The following SART3 variants were observed in gnomAD, a reference collection of about 807,000 sequenced individuals.
SART3 encodes the protein spliceosome associated factor 3, U4/U6 recycling protein.
In SART3, 44 loss-of-function variants were observed where a neutral mutation model predicts 122.3. That is an observed-to-expected ratio of 0.36 (90% CI 0.28 to 0.46). The LOEUF is 0.46. SART3 is among the 20% of genes least tolerant of loss of function. The pLI is 1.00. For missense variants in SART3, 1,101 were observed against 1,229.0 expected, an observed-to-expected ratio of 0.90 and a Z score of 1.56; for synonymous variants, 442 against 454.0, an observed-to-expected ratio of 0.97 and a Z score of 0.34.
In SART3 at chr12:108,543,114, C is replaced by G. The variant is rs765752349; in HGVS notation, c.820G>C (p.Glu274Gln). Residue 274 changes from glutamate (E) to glutamine (Q), a missense_variant, in exon 6 of 19, where the codon GAA becomes CAA. Physicochemically the swap from Glu to Gln is conservative, Grantham distance 29 (BLOSUM62 2). This residue lies in a region of SART3 where 885 missense variants were observed against 1,080.1 expected (regional missense o/e 0.82). Coordinates refer to ENST00000546815, the MANE Select transcript of SART3 (RefSeq NM_014706.4). Reference sequence around the variant, plus strand: ...ATTACTGACTCTGGTATTGGGTCTTCTGACCATTCTTCATACTCTGCAAAT... The same window carrying G: ...ATTACTGACTCTGGTATTGGGTCTTGTGACCATTCTTCATACTCTGCAAAT... ...ATFAEYEEWS[E>Q]DPIPESVIQN... is the part of the protein sequence containing the mutation. 7 of 1,614,208 alleles carry G rather than the reference C, an allele frequency of 4.3e-6. No homozygotes were observed. The Admixed American group carries it at 8.3e-5, about 19-fold the overall frequency.
rs781485980 is a variant in SART3, at chr12:108,538,056, C to T, written c.1201+9G>A. ...TAGCTTAGAAGTTCTCCCACAAAAA[C>T]ATCCGCACCAGAAATTACTTGATGA... On this transcript the variant is annotated intron_variant, in intron 8 of 18. Coordinates refer to ENST00000546815, the MANE Select transcript of SART3 (RefSeq NM_014706.4). 3.1e-6 allele frequency: 5 copies of T among 1,614,032 alleles called. No individual in the cohort carries two copies. In the Admixed American group the frequency reaches 6.7e-5, roughly 22 times the overall value.
intron 12 of SART3, among the ~76,000 whole-genome samples, chr12:108,534,275 T>C (rs1334275373): frequency 6.6e-6 from 1 of 152,168 alleles, no homozygotes; most frequent in Non-Finnish European, 1.5e-5. Context: ...TTTGGGATCC[T>C]CCAATTTTAA....
intron 6 of SART3, among the ~76,000 whole-genome samples, chr12:108,542,043 G>A (rs1336869001): frequency 8.4e-6 from 1 of 118,924 alleles, no homozygotes; most frequent in African/African-American, 3.4e-5. Flanking sequence ...AGACAGGGTT[G>A]TGCTACGCTG....
chr12:108,557,030 T>C (rs2030248319), intron 1 of SART3, among the ~76,000 whole-genome samples: 1 of 152,180 alleles, frequency 6.6e-6, no homozygotes, highest in African/African-American at 2.4e-5. Flanking sequence ...TGTAAACTTC[T>C]GATTTTTAGG....
At chr12:108,530,531 T>C (rs1226645016) in intron 14 of SART3, among the ~76,000 whole-genome samples, 1 of 152,074 alleles carries the variant, frequency 6.6e-6, no homozygotes, top group African/African-American at 2.4e-5. Context: ...TTCCTCACCC[T>C]AATCATTACT....
Position 108,524,385 on chromosome 12 carries a change from T to C in SART3, c.2645A>G (p.Lys882Arg). The C allele has an allele frequency of 6.2e-7, 1 of 1,613,508 alleles. No individual in the cohort carries two copies. The highest frequency in any genetic ancestry group is 8.5e-7 in the Non-Finnish European group (1 of 1,179,344). Residue 882 changes from lysine (K) to arginine (R), a missense_variant, in exon 18 of 19, where the codon AAA becomes AGA. Lys to Arg is a conservative substitution (Grantham distance 26). Transcript: ENST00000546815. ...KVAISNPPQR[K>R]VPEKPETRKA... ...CCTGGTCTCCGGCTTCTCTGGAACT[T>C]TCCTCTGAGGAGGGTTGCTGATTGC...
At chr12:108,539,913 A>G (rs994224068) in intron 6 of SART3, among the ~76,000 whole-genome samples, 5 of 152,232 alleles carry the variant, frequency 3.3e-5, no homozygotes, top group Admixed American at 3.3e-4. Flanking sequence ...AGTCATCAAC[A>G]AACTGGCAAA....
chr12:108,532,025 C>G, intron 13 of SART3, 197 bp downstream of exon 13: 1 of 593,484 alleles, frequency 1.7e-6, no homozygotes, highest in Non-Finnish European at 3.1e-6. Context: ...TCACAGAGTC[C>G]TCCTTGTAGC....
chr12:108,532,405 T>C, intron 12 of SART3, 71 bp from the exon 13 acceptor site: 1 of 1,255,820 alleles, frequency 8.0e-7, no homozygotes, highest in Non-Finnish European at 1.1e-6. Flanking sequence ...AGAGGCCGTC[T>C]TCTCCCAGGT....
rs754060607 is a variant in SART3 at position 108,545,335 on chromosome 12, A to G, written c.545-12T>C. 52 of 1,613,710 alleles carry G rather than the reference A, an allele frequency of 3.2e-5. No homozygotes were observed. The highest frequency in any genetic ancestry group is 4.2e-5 in the Non-Finnish European group (50 of 1,179,666). ...CCAAATGTTAGGACCTAAAAATAAG[A>G]AGTGTTCAATTAGTTTGGGATATAA... On this transcript the variant is annotated splice_polypyrimidine_tract_variant and intron_variant, in intron 3 of 18. Coordinates refer to ENST00000546815, the MANE Select transcript of SART3 (RefSeq NM_014706.4).
In SART3 at chr12:108,537,731, G is replaced by A. The variant is rs1872979953; in HGVS notation, c.1202-136C>T. 3.9e-6 allele frequency: 3 copies of A among 771,354 alleles called. No homozygotes were observed. The South Asian group carries it at 4.5e-5, about 11-fold the overall frequency. The allele number at this position is 771,354 out of a possible 1,614,324, so 47.8% of individuals were successfully genotyped here. A position where few individuals can be genotyped will look rare whatever the true frequency, so the allele number is the denominator to read the frequency against. On this transcript the variant is annotated intron_variant, in intron 8 of 18. Transcript: ENST00000546815. ...GCAACAGAATGAAATGAGCTAGACA[G>A]GAATGTTGAAGACAGAAGTTGCTAC...
chr12:108,531,963 T>G, intron 13 of SART3: 1 of 447,952 alleles, frequency 2.2e-6, no homozygotes, highest in South Asian at 2.0e-5. Flanking sequence ...CTAAACATTG[T>G]ATAACGCACA....
At chr12:108,537,716 G>C in intron 8 of SART3, 121 bp from the exon 9 acceptor site, 1 of 789,844 alleles carries the variant, frequency 1.3e-6, no homozygotes, top group South Asian at 1.5e-5. Flanking sequence ...GCAACAGAAT[G>C]AAATGAGCTA....
chr12:108,536,664 A>G (rs774998515), intron 10 of SART3, 44 bp downstream of exon 10: 3 of 1,610,114 alleles, frequency 1.9e-6, no homozygotes, highest in Non-Finnish European at 2.5e-6. Context: ...TAGTACAGAC[A>G]AGGAAATACA....
rs1026510942 is a variant in SART3, at chr12:108,553,187, A to T, written c.313-3973T>A. Among the ~76,000 whole-genome samples the T allele has an allele frequency of 2.6e-5, 4 of 152,344 alleles. 1 individual carries two copies. The South Asian group carries it at 8.3e-4, about 32-fold the overall frequency. ...GCCTTACAGAAATAACTCAAAATGG[A>T]TCACACTTAAATGTGAAATGTAAAT... On this transcript the variant is annotated intron_variant, in intron 1 of 18. Coordinates refer to ENST00000546815, the MANE Select transcript of SART3 (RefSeq NM_014706.4).
chr12:108,544,801 G>C, intron 4 of SART3: 1 of 570,906 alleles, frequency 1.8e-6, no homozygotes, highest in Non-Finnish European at 3.1e-6. Flanking sequence ...CTGAACTCAA[G>C]TGATCCTCTG....
At chr12:108,545,967 C>CAAAAAAAAA (rs367848748) in intron 3 of SART3, among the ~76,000 whole-genome samples, 1 of 108,964 alleles carries the variant, frequency 9.2e-6, no homozygotes, top group African/African-American at 3.6e-5. Context: ...GACTCTCTCT[C>CAAAAAAAAA]AAAAAAAAAA....
At chr12:108,560,410 A>C in intron 1 of SART3, 1 of 257,792 alleles carries the variant, frequency 3.9e-6, no homozygotes, top group East Asian at 7.2e-5. Flanking sequence ...TATTTTTCTT[A>C]CCACAAGTTT....
chr12:108,537,390 T>C (rs1376347365), intron 9 of SART3, 98 bp downstream of exon 9: 22 of 877,748 alleles, frequency 2.5e-5, no homozygotes, highest in Non-Finnish European at 4.0e-5. Flanking sequence ...TCTACATCAT[T>C]TGCCCAATCA....
Sources: gnomAD v4.1 joint callset for allele counts (sites outside exome capture counted in the v4.1 genomes callset) on GRCh38, gnomAD v4.1.1 for gene constraint, gnomAD v4.1.1 regional missense constraint, MANE v1.5 for transcripts, NCBI Gene and HGNC (gene_info 2026-07-23, HGNC 2026-07-21) for gene names.